TBXAS1: variants seen among roughly 807,000 people sequenced by gnomAD.
TBXAS1 encodes the protein thromboxane-A synthase.
A neutral mutation model predicts 60.7 loss-of-function variants in TBXAS1; 48 were observed. That is an observed-to-expected ratio of 0.79 (90% CI 0.63 to 1.01). The LOEUF is 1.01. Ranked by LOEUF, TBXAS1 falls within the 50% of genes least tolerant of loss-of-function variation. TBXAS1 has a pLI of 0.00. For missense variants in TBXAS1, 685 were observed against 686.3 expected (o/e 1.00, Z 0.02); for synonymous variants, 287 against 269.7 (o/e 1.06, Z -0.63).
chr7:139,850,558 CTGAGTAG>C (rs987210482), intron 1 of TBXAS1, among the ~76,000 whole-genome samples: 20 of 152,252 alleles, frequency 1.3e-4, no homozygotes, highest in African/African-American at 3.9e-4. Context: ...TTGCACTGGG[CTGAGTAG>C]TGTCCCCTCG....
intron 4 of TBXAS1, among the ~76,000 whole-genome samples, chr7:139,811,022 T>G (rs1798010842): frequency 6.6e-6 from 1 of 152,210 alleles, no homozygotes. Flanking sequence ...AAGGTCTTAT[T>G]CTATCCATAC....
intron 5 of TBXAS1, among the ~76,000 whole-genome samples, chr7:139,940,413 G>A (rs1432377060): frequency 6.6e-6 from 1 of 152,156 alleles, no homozygotes. Context: ...TAGGACCCTT[G>A]TTAAAAATAC....
In TBXAS1 at chr7:139,997,724, T is replaced by C. The variant is rs77739488; in HGVS notation, c.1135-9367T>C. Among the ~76,000 whole-genome samples the C allele has an allele frequency of 3.5e-3, 538 of 152,250 alleles. 5 individuals carry two copies. The highest frequency in any genetic ancestry group is 0.012 in the African/African-American group (502 of 41,530). On this transcript the variant is annotated intron_variant, in intron 9 of 12. Transcript: ENST00000448866. Reference sequence around the variant, plus strand: ...GGGAGGAGCCTGCAGTTAGAGTAAATAGAAGAAACTAGGATGTCAACAGGC... The same window carrying C: ...GGGAGGAGCCTGCAGTTAGAGTAAACAGAAGAAACTAGGATGTCAACAGGC...
chr7:139,835,667 C>T (rs1799010294), intron 1 of TBXAS1, among the ~76,000 whole-genome samples: 1 of 152,132 alleles, frequency 6.6e-6, no homozygotes, highest in East Asian at 1.9e-4. Flanking sequence ...CCACAGCCAA[C>T]CTAATACTGA....
At position 139,951,378 on chromosome 7, in the gene TBXAS1, G is replaced by A. The variant is rs570843929; in HGVS notation, c.451-1990G>A. Among the ~76,000 whole-genome samples the A allele has an allele frequency of 2.6e-5, 4 of 151,898 alleles. No individual in the cohort carries two copies. In the East Asian group the frequency reaches 7.8e-4, roughly 29 times the overall value. ...TGAAATACTGTATTCCACTTATGAG[G>A]CCACCTTTAGGAGTGACCCTGATAA... On this transcript the variant is annotated intron_variant, in intron 5 of 12. Transcript: ENST00000448866.
At chr7:140,014,635 T>G (rs1425544332) in intron 10 of TBXAS1, among the ~76,000 whole-genome samples, 1 of 151,926 alleles carries the variant, frequency 6.6e-6, no homozygotes, top group South Asian at 2.1e-4. Flanking sequence ...ACAGGCCAGG[T>G]GCAGTGGCTC....
At chr7:139,952,528 A>G (rs1254618456) in intron 5 of TBXAS1, 3 of 1,536,094 alleles carry the variant, frequency 2.0e-6, no homozygotes, top group Non-Finnish European at 2.6e-6. Context: ...AGCGAATAAA[A>G]TGATTCTGCT....
intron 4 of TBXAS1, among the ~76,000 whole-genome samples, chr7:139,810,562 G>A (rs986225812): frequency 6.6e-6 from 1 of 152,190 alleles, no homozygotes; most frequent in African/African-American, 2.4e-5. Context: ...TAATGACACA[G>A]ACTCTAATTT....
intron 9 of TBXAS1, among the ~76,000 whole-genome samples, chr7:139,984,335 C>T (rs1480316093): frequency 1.3e-5 from 2 of 152,046 alleles, no homozygotes; most frequent in African/African-American, 4.8e-5. Context: ...TTTACAGAGC[C>T]ATGTCAGAAA....
chr7:139,955,074 T>C (rs1479735896), intron 6 of TBXAS1, among the ~76,000 whole-genome samples: 1 of 152,200 alleles, frequency 6.6e-6, no homozygotes, highest in East Asian at 1.9e-4. Context: ...GTACAGCATG[T>C]AGGCGTTGGG....
intron 4 of TBXAS1, among the ~76,000 whole-genome samples, chr7:139,806,532 G>A (rs940249934): frequency 6.6e-6 from 1 of 151,996 alleles, no homozygotes; most frequent in Non-Finnish European, 1.5e-5. Flanking sequence ...CAAAGTGCTG[G>A]GATTGCAGGC....
chr7:139,932,538 C>T (rs998061623), intron 4 of TBXAS1, among the ~76,000 whole-genome samples: 1 of 137,254 alleles, frequency 7.3e-6, no homozygotes, highest in African/African-American at 2.7e-5. Context: ...CTCAGGGTCA[C>T]AAAAAAAAAA....
intron 9 of TBXAS1, among the ~76,000 whole-genome samples, chr7:139,994,929 T>C (rs17161327): frequency 0.025 from 3,783 of 152,320 alleles, 64 homozygotes; most frequent in Middle Eastern, 0.038. Context: ...GGGGGACTGA[T>C]GCACCCAGGG....
chr7:139,836,814 G>A (rs376367850), intron 1 of TBXAS1, among the ~76,000 whole-genome samples: 17 of 152,110 alleles, frequency 1.1e-4, no homozygotes, highest in South Asian at 2.1e-4. Context: ...ATAAAGAGCC[G>A]GGACCTAATT....
intron 2 of TBXAS1, among the ~76,000 whole-genome samples, chr7:139,781,966 G>A (rs1036685831): frequency 2.0e-5 from 3 of 151,084 alleles, no homozygotes; most frequent in African/African-American, 7.3e-5. Context: ...CTGAATATGT[G>A]TCCTGTTTTA....
chr7:139,858,552 C>T (rs1800741367), intron 1 of TBXAS1, among the ~76,000 whole-genome samples: 1 of 152,080 alleles, frequency 6.6e-6, no homozygotes, highest in Non-Finnish European at 1.5e-5. Context: ...GAATGTCTGT[C>T]TGGTCCACTA....
At chr7:139,913,506 A>C in intron 4 of TBXAS1, 2 of 257,580 alleles carry the variant, frequency 7.8e-6, no homozygotes, top group Admixed American at 4.3e-5. Context: ...ATTTCCTCCC[A>C]TGATACCAGG....
chr7:139,833,881 C>T (rs549414307), intron 1 of TBXAS1, among the ~76,000 whole-genome samples: 16 of 151,982 alleles, frequency 1.1e-4, no homozygotes, highest in East Asian at 3.9e-4. Flanking sequence ...AATATTCCAC[C>T]GACAGCACCA....
intron 4 of TBXAS1, among the ~76,000 whole-genome samples, chr7:139,809,063 A>G (rs1797947565): frequency 1.3e-5 from 2 of 151,966 alleles, no homozygotes; most frequent in South Asian, 4.1e-4. Context: ...GTTTACTCAT[A>G]TACTGCCTGT....
Sources: allele counts gnomAD v4.1 joint callset (sites outside exome capture counted in the v4.1 genomes callset), GRCh38; gene constraint gnomAD v4.1.1; transcripts MANE v1.5; gene names NCBI Gene and HGNC (gene_info 2026-07-23, HGNC 2026-07-21).